The following ARHGAP28 variants were observed in gnomAD, a reference collection of about 807,000 sequenced individuals.
ARHGAP28 encodes the protein Rho GTPase activating protein 28, also known as rho GTPase-activating protein 28.
A neutral mutation model predicts 90.7 loss-of-function variants in ARHGAP28; 56 were observed. The observed-to-expected ratio is 0.62, with a 90% CI of 0.50 to 0.77. The LOEUF is 0.77. ARHGAP28 is among the 30% of genes least tolerant of loss of function. The pLI is 0.00. For missense variants in ARHGAP28, 869 were observed against 900.9 expected, an observed-to-expected ratio of 0.96 and a Z score of 0.45; for synonymous variants, 308 against 323.3, an observed-to-expected ratio of 0.95 and a Z score of 0.51.
At chr18:6,732,531 G>A (rs1172616824) in intron 1 of ARHGAP28, among the ~76,000 whole-genome samples, 1 of 152,164 alleles carries the variant, frequency 6.6e-6, no homozygotes, top group Non-Finnish European at 1.5e-5. Context: ...CAGCAGCTCA[G>A]GCCTGCCCTG....
chr18:6,854,102 G>A (rs1368056545), intron 4 of ARHGAP28, among the ~76,000 whole-genome samples: 1 of 152,020 alleles, frequency 6.6e-6, no homozygotes, highest in Admixed American at 6.6e-5. Context: ...TGGTCTCGGG[G>A]GGGTTATATT....
intron 1 of ARHGAP28, chr18:6,789,749 A>T (rs548304773): frequency 1.3e-5 from 2 of 152,330 alleles, no homozygotes; most frequent in East Asian, 3.9e-4. Context: ...ACACTCTATT[A>T]GTATACTTTT....
intron 12 of ARHGAP28, among the ~76,000 whole-genome samples, chr18:6,889,230 T>C (rs2057245394): frequency 6.6e-6 from 1 of 152,216 alleles, no homozygotes; most frequent in African/African-American, 2.4e-5. Flanking sequence ...TATACTTTGA[T>C]AGCACAGCAA....
chr18:6,839,292 A>AT (rs368008575), intron 3 of ARHGAP28, among the ~76,000 whole-genome samples: 5,162 of 133,926 alleles, frequency 0.039, 302 homozygotes, highest in African/African-American at 0.1. Context: ...AACCAGCATA[A>AT]TTTTTTTTTT....
At chr18:6,893,700 T>G (rs985977185) in intron 14 of ARHGAP28, among the ~76,000 whole-genome samples, 1 of 151,644 alleles carries the variant, frequency 6.6e-6, no homozygotes, top group African/African-American at 2.4e-5. Context: ...GGACTCACGG[T>G]GTGTGTGTGT....
intron 1 of ARHGAP28, among the ~76,000 whole-genome samples, chr18:6,758,036 C>CT (rs570938255): frequency 6.6e-5 from 10 of 152,242 alleles, no homozygotes; most frequent in Admixed American, 3.9e-4. Context: ...CCACTAAGTC[C>CT]TTTTTTGTGC....
At chr18:6,858,829 T>TA (rs141563138) in intron 4 of ARHGAP28, among the ~76,000 whole-genome samples, 1,753 of 151,864 alleles carry the variant, frequency 0.012, 36 homozygotes, top group African/African-American at 0.04. Context: ...CCAGCTGACT[T>TA]AAATTTCTTG....
chr18:6,770,183 A>G (rs1405058074), intron 1 of ARHGAP28, among the ~76,000 whole-genome samples: 1 of 152,264 alleles, frequency 6.6e-6, no homozygotes, highest in Admixed American at 6.5e-5. Context: ...AGTCATGGAC[A>G]TAAATGATCT....
At chr18:6,908,419 A>G (rs1200335780) in intron 16 of ARHGAP28, among the ~76,000 whole-genome samples, 1 of 152,154 alleles carries the variant, frequency 6.6e-6, no homozygotes, top group Non-Finnish European at 1.5e-5. Context: ...AATTACAGGC[A>G]TGAGCCACCG....
intron 1 of ARHGAP28, among the ~76,000 whole-genome samples, chr18:6,794,701 G>A (rs374880604): frequency 7.3e-6 from 1 of 137,334 alleles, no homozygotes; most frequent in African/African-American, 3.3e-5. Flanking sequence ...TTTTATGTTT[G>A]GTCAGGGTCT....
intron 1 of ARHGAP28, among the ~76,000 whole-genome samples, chr18:6,816,320 T>C (rs2056590344): frequency 6.6e-6 from 1 of 152,336 alleles, no homozygotes; most frequent in Middle Eastern, 3.4e-3. Flanking sequence ...CAAAGATTAC[T>C]GAGAAGCCAG....
intron 1 of ARHGAP28, among the ~76,000 whole-genome samples, chr18:6,755,574 A>T (rs2056102697): frequency 6.6e-6 from 1 of 152,226 alleles, no homozygotes; most frequent in Admixed American, 6.5e-5. Context: ...AATTATTTAA[A>T]TTATTAAATT....
intron 3 of ARHGAP28, among the ~76,000 whole-genome samples, chr18:6,842,702 G>C (rs2056836803): frequency 2.0e-5 from 3 of 152,042 alleles, no homozygotes. Flanking sequence ...AATGGGAGTT[G>C]TATGGTCCTC....
chr18:6,772,961 G>A (rs2376527), intron 1 of ARHGAP28, among the ~76,000 whole-genome samples: 61,910 of 151,794 alleles, frequency 0.41, 13,552 homozygotes, highest in East Asian at 0.85. Flanking sequence ...GGCTGGTCTC[G>A]AACTCCTGAC....
intron 1 of ARHGAP28, among the ~76,000 whole-genome samples, chr18:6,804,636 G>T (rs1354684458): frequency 6.6e-6 from 1 of 151,954 alleles, no homozygotes; most frequent in African/African-American, 2.4e-5. Flanking sequence ...TACACTTTCT[G>T]GTTTCATTTT....
intron 10 of ARHGAP28, among the ~76,000 whole-genome samples, chr18:6,879,217 C>T (rs549675303): frequency 1.3e-5 from 2 of 152,238 alleles, no homozygotes; most frequent in East Asian, 3.9e-4. Flanking sequence ...GAAATTTGAG[C>T]CAAACACCGG....
intron 1 of ARHGAP28, among the ~76,000 whole-genome samples, chr18:6,787,522 A>G (rs1281341724): frequency 6.6e-6 from 1 of 152,146 alleles, no homozygotes; most frequent in Admixed American, 6.5e-5. Context: ...AAGAAACTTA[A>G]AAAAATTAGT....
chr18:6,826,674 G>C (rs1020628881), intron 2 of ARHGAP28, among the ~76,000 whole-genome samples: 7 of 134,308 alleles, frequency 5.2e-5, no homozygotes, highest in Non-Finnish European at 9.6e-5. Context: ...TGGGGCAAAG[G>C]ATTTTGAGCT....
chr18:6,856,460 TGTAA>T (rs1003155418), intron 4 of ARHGAP28, among the ~76,000 whole-genome samples: 7 of 152,200 alleles, frequency 4.6e-5, no homozygotes, highest in African/African-American at 1.2e-4. Flanking sequence ...ACTTACAAAC[TGTAA>T]GTGTCTACAT....
Sources: allele counts gnomAD v4.1 joint callset (sites outside exome capture counted in the v4.1 genomes callset), GRCh38; gene constraint gnomAD v4.1.1; transcripts MANE v1.5; gene names NCBI Gene and HGNC (gene_info 2026-07-23, HGNC 2026-07-21).